Variants in NLGN4X observed in about 807,000 individuals in gnomAD.
NLGN4X encodes the protein neuroligin 4 X-linked.
A neutral mutation model predicts 40.3 loss-of-function variants in NLGN4X; 3 were observed. That is an observed-to-expected ratio of 0.07 (90% CI 0.03 to 0.19). NLGN4X has a LOEUF of 0.19. Ranked by LOEUF, NLGN4X falls within the 10% of genes least tolerant of loss-of-function variation. The pLI is 1.00. For synonymous variants in NLGN4X, 270 were observed against 306.8 expected (o/e 0.88, Z 1.25); for missense variants, 382 against 708.3 (o/e 0.54, Z 5.23).
At chrX:6,013,537 AGG>A (rs2036310138) in intron 3 of NLGN4X, among the ~76,000 whole-genome samples, 2 of 103,996 alleles carry the variant, frequency 1.9e-5, no homozygotes, top group Admixed American at 1.0e-4. Flanking sequence ...AGGGAGAGAG[AGG>A]TAGTATGAGC....
intron 2 of NLGN4X, among the ~76,000 whole-genome samples, chrX:6,033,722 G>A (rs2036930191): frequency 1.2e-4 from 1 of 8,412 alleles, no homozygotes; most frequent in African/African-American, 2.2e-4. Context: ...AGGCCCTTAA[G>A]GATAGCAAAA....
At chrX:5,959,444 A>G (rs937672099) in intron 3 of NLGN4X, among the ~76,000 whole-genome samples, 1 of 111,990 alleles carries the variant, frequency 8.9e-6, no homozygotes, top group Non-Finnish European at 1.9e-5. Flanking sequence ...CCATGATGTA[A>G]CTAGTAATTC....
chrX:6,066,581 C>T lies in NLGN4X; in HGVS notation c.473-37149G>A, dbSNP rs190771266. 5.0e-3 allele frequency among the ~76,000 whole-genome samples: 547 copies of T among 109,192 alleles called. 5 individuals are homozygous for T. Among genetic ancestry groups the T allele is most frequent in the African/African-American group, 0.018 (527 of 29,877 alleles). The allele number at this position is 109,192 out of a possible 115,157, so 94.8% of individuals were successfully genotyped here. On this transcript the variant is annotated intron_variant, in intron 2 of 5. Transcript: ENST00000381095. ...CAGGCGGATCATGAGGTCAGGAGTT[C>T]GAGACCAGTCTGCCCAACATAGTGA...
chrX:5,890,567 C>A lies in NLGN4X; in HGVS notation c.*2250G>T. The A allele has an allele frequency of 3.1e-6, 1 of 325,836 alleles. No individual in the cohort carries two copies. Among genetic ancestry groups the A allele is most frequent in the Non-Finnish European group, 5.9e-6 (1 of 168,925 alleles). 26.9% of individuals were successfully genotyped at this position (325,836 alleles called of 1,213,427 possible). A position where few individuals can be genotyped will look rare whatever the true frequency, so the allele number is the denominator to read the frequency against. On this transcript the variant is annotated 3_prime_UTR_variant, in exon 6 of 6. Coordinates refer to ENST00000381095, the MANE Select transcript of NLGN4X (RefSeq NM_181332.3). ...CCAACATGGATGCCACACATAACTTCCTTTGTAGTTTCACAGAGAGCCTAT... is the reference window on the plus strand; with the variant it reads ...CCAACATGGATGCCACACATAACTTACTTTGTAGTTTCACAGAGAGCCTAT...
intron 1 of NLGN4X, among the ~76,000 whole-genome samples, chrX:6,224,298 G>A (rs949396275): frequency 2.7e-5 from 3 of 112,102 alleles, no homozygotes; most frequent in African/African-American, 6.5e-5. Context: ...TCATTCCCTC[G>A]TGCACTTGAA....
At chrX:6,183,464 A>C (rs1452478027) in intron 1 of NLGN4X, among the ~76,000 whole-genome samples, 1 of 110,897 alleles carries the variant, frequency 9.0e-6, no homozygotes, top group Non-Finnish European at 1.9e-5. Flanking sequence ...GGAGATATGC[A>C]TGAACACGGG....
At chrX:5,897,425 CT>C (rs1360927102) in intron 5 of NLGN4X, among the ~76,000 whole-genome samples, 15 of 111,653 alleles carry the variant, frequency 1.3e-4, no homozygotes, top group Non-Finnish European at 2.8e-4. Context: ...CCTTTTGAAA[CT>C]TTAGAGTTAG....
At chrX:5,923,377 G>A (rs1431664185) in intron 3 of NLGN4X, among the ~76,000 whole-genome samples, 1 of 112,592 alleles carries the variant, frequency 8.9e-6, no homozygotes, top group Non-Finnish European at 1.9e-5. Context: ...CAAAGCTCAA[G>A]CGATCTGCCT....
At chrX:6,183,391 CA>C (rs369165584) in intron 1 of NLGN4X, among the ~76,000 whole-genome samples, 3,023 of 110,350 alleles carry the variant, frequency 0.027, 120 homozygotes, top group African/African-American at 0.092. Context: ...ACTAAAAATA[CA>C]AAAAATTAGC....
chrX:6,089,608 T>C (rs1319828384), intron 2 of NLGN4X, among the ~76,000 whole-genome samples: 1 of 112,297 alleles, frequency 8.9e-6, no homozygotes, highest in Non-Finnish European at 1.9e-5. Flanking sequence ...TCGGTAAAGT[T>C]AGTGTGGAGA....
At chrX:6,069,470 G>C (rs2038006850) in intron 2 of NLGN4X, among the ~76,000 whole-genome samples, 1 of 111,245 alleles carries the variant, frequency 9.0e-6, no homozygotes, top group Admixed American at 9.6e-5. Context: ...TAATGCAACA[G>C]AAACAAAATT....
chrX:6,171,484 A>C (rs1302474999), intron 1 of NLGN4X, among the ~76,000 whole-genome samples: 2 of 111,932 alleles, frequency 1.8e-5, no homozygotes, highest in Admixed American at 9.5e-5. Context: ...TGTTCCTTGG[A>C]TTCCCCATCT....
chrX:5,904,723 TGC>T (rs1601859501), intron 4 of NLGN4X, among the ~76,000 whole-genome samples: 1 of 111,267 alleles, frequency 9.0e-6, no homozygotes, highest in African/African-American at 3.3e-5. Context: ...ACAAGAGAGG[TGC>T]GCTGTAAAAA....
At chrX:6,116,103 C>T (rs1255035571) in intron 2 of NLGN4X, among the ~76,000 whole-genome samples, 1 of 107,064 alleles carries the variant, frequency 9.3e-6, no homozygotes, top group Non-Finnish European at 1.9e-5. Context: ...ACCATCCTGG[C>T]TAACACGGTG....
chrX:5,909,298 T>G, intron 3 of NLGN4X, 59 bp from the exon 4 acceptor site: 1 of 1,138,979 alleles, frequency 8.8e-7, no homozygotes, highest in African/African-American at 1.8e-5. Context: ...TACGTGTCTC[T>G]GCTATTTGAA....
chrX:5,962,930 C>G (rs1478396111), intron 3 of NLGN4X, among the ~76,000 whole-genome samples: 6 of 90,950 alleles, frequency 6.6e-5, no homozygotes, highest in Non-Finnish European at 1.1e-4. Context: ...GTTTATTACC[C>G]CCCCCCACCC....
chrX:6,209,250 G>C (rs759789906), intron 1 of NLGN4X, among the ~76,000 whole-genome samples: 4 of 111,848 alleles, frequency 3.6e-5, no homozygotes, highest in African/African-American at 6.5e-5. Flanking sequence ...GTGGTAGGAT[G>C]ATGAGGAATG....
chrX:5,959,605 T>G (rs940656747), intron 3 of NLGN4X, among the ~76,000 whole-genome samples: 1 of 111,487 alleles, frequency 9.0e-6, no homozygotes, highest in Non-Finnish European at 1.9e-5. Flanking sequence ...AACAATTTTA[T>G]CCTCCTCAAA....
chrX:5,946,219 G>T (rs1446538106), intron 3 of NLGN4X, among the ~76,000 whole-genome samples: 2 of 111,178 alleles, frequency 1.8e-5, no homozygotes, highest in East Asian at 5.7e-4. Context: ...TCTAGCTGTG[G>T]CAACCAAAAT....
Sources: allele counts gnomAD v4.1 joint callset (sites outside exome capture counted in the v4.1 genomes callset), GRCh38; gene constraint gnomAD v4.1.1; transcripts MANE v1.5; gene names NCBI Gene and HGNC (gene_info 2026-07-23, HGNC 2026-07-21).